PLCL1: variants seen among roughly 807,000 people sequenced by gnomAD.
PLCL1 encodes the protein inactive phospholipase C-like protein 1.
PLCL1 carries 41 observed loss-of-function variants against 84.4 expected under a neutral mutation model. The observed-to-expected ratio is 0.49, with a 90% CI of 0.38 to 0.63. The LOEUF is 0.63. Ranked by LOEUF, PLCL1 falls within the 30% of genes least tolerant of loss-of-function variation. The pLI, the probability that PLCL1 is intolerant of heterozygous loss-of-function variation, is 0.00. For synonymous variants in PLCL1, 490 were observed against 488.3 expected (o/e 1.00, Z -0.05); for missense variants, 1,206 against 1,367.8 (o/e 0.88, Z 1.87).
At chr2:198,020,650 A>G (rs1250848433) in intron 1 of PLCL1, among the ~76,000 whole-genome samples, 1 of 152,218 alleles carries the variant, frequency 6.6e-6, no homozygotes, top group Admixed American at 6.5e-5. Context: ...AAAGAAAAAG[A>G]AGGGCATTAC....
intron 1 of PLCL1, among the ~76,000 whole-genome samples, chr2:198,030,426 A>G (rs1346482419): frequency 6.6e-6 from 1 of 152,168 alleles, no homozygotes; most frequent in Non-Finnish European, 1.5e-5. Flanking sequence ...ACTAATAAAT[A>G]AAAGTTTTTC....
At chr2:198,078,706 CTGTT>C (rs1462636394) in intron 1 of PLCL1, among the ~76,000 whole-genome samples, 1 of 151,920 alleles carries the variant, frequency 6.6e-6, no homozygotes, top group Non-Finnish European at 1.5e-5. Context: ...CATTTTAGAA[CTGTT>C]TGCTTAAAAA....
chr2:197,805,313 A>AC lies in PLCL1; in HGVS notation c.220dup (p.Arg74ProfsTer33). 5 of 1,299,738 alleles carry AC rather than the reference A, an allele frequency of 3.8e-6. No homozygotes were observed. Among genetic ancestry groups the AC allele is most frequent in the Non-Finnish European group, 3.9e-6 (4 of 1,027,916 alleles). 80.5% of individuals were successfully genotyped at this position (1,299,738 alleles called of 1,614,324 possible). ...GGGCCTCCTGGAGGCAGCACGGGCG[A>AC]CCCCCCGGCGCAGCAGCATCATCAA... On this transcript the variant is annotated frameshift_variant, in exon 1 of 6. Transcript: ENST00000428675. LOFTEE classifies it high-confidence loss of function. This position sits in a 1 kb window ranked among gnomAD's most constrained non-coding sequence, Gnocchi z 4.0.
rs1324224425 is a variant in PLCL1 at position 198,147,095 on chromosome 2, C to G, written c.*133C>G. The G allele has an allele frequency of 1.6e-6, 1 of 638,728 alleles. No individual in the cohort carries two copies. The highest frequency in any genetic ancestry group is 2.6e-6 in the Non-Finnish European group (1 of 379,862). 39.6% of individuals were successfully genotyped at this position (638,728 alleles called of 1,614,324 possible). On this transcript the variant is annotated 3_prime_UTR_variant, in exon 6 of 6. Transcript: ENST00000428675. ...GGGGTATTGGACATAGATATTTTCACAATGTCAGTATTTCAGTGTAGTTAA... is the reference window on the plus strand; with the variant it reads ...GGGGTATTGGACATAGATATTTTCAGAATGTCAGTATTTCAGTGTAGTTAA...
At chr2:197,966,104 C>T (rs183603505) in intron 1 of PLCL1, among the ~76,000 whole-genome samples, 145 of 151,958 alleles carry the variant, frequency 9.5e-4, no homozygotes, top group African/African-American at 3.3e-3. Flanking sequence ...CAGAACTCTG[C>T]CTCATGCCCT....
At position 197,939,717 on chromosome 2, in the gene PLCL1, C is replaced by CTTTT. The variant is rs869135841; in HGVS notation, c.240+134396_240+134399dup. Reference sequence around the variant, plus strand: ...TACTGGGGATTGGGACTTCAACAGACTTTTTTTTTTTTTTTTTTTTTGGCA... The same window carrying CTTTT: ...TACTGGGGATTGGGACTTCAACAGACTTTTTTTTTTTTTTTTTTTTTTTTTGGCA... On this transcript the variant is annotated intron_variant, in intron 1 of 5. Coordinates refer to ENST00000428675, the MANE Select transcript of PLCL1 (RefSeq NM_006226.4). Among the ~76,000 whole-genome samples, 120 of 112,150 alleles carry CTTTT rather than the reference C, an allele frequency of 1.1e-3. 1 individual carries two copies. The highest frequency in any genetic ancestry group is 4.0e-3 in the African/African-American group (117 of 29,604). The allele number at this position is 112,150 out of a possible 152,430, so 73.6% of individuals were successfully genotyped here.
intron 5 of PLCL1, among the ~76,000 whole-genome samples, chr2:198,141,003 A>T (rs977526344): frequency 6.6e-6 from 1 of 152,134 alleles, no homozygotes; most frequent in African/African-American, 2.4e-5. Flanking sequence ...ATGTTCCTGT[A>T]CAGATTATTT....
chr2:197,961,264 A>AGAGAGAGAGAGAGAGAGC (rs1353312792), intron 1 of PLCL1, among the ~76,000 whole-genome samples: 14 of 139,744 alleles, frequency 1.0e-4, no homozygotes, highest in East Asian at 6.0e-4. Context: ...AGAGAGAGAG[A>AGAGAGAGAGAGAGAGAGC]GAGCGAGCAT....
intron 1 of PLCL1, among the ~76,000 whole-genome samples, chr2:198,052,097 A>T (rs1402684374): frequency 6.6e-6 from 1 of 152,190 alleles, no homozygotes; most frequent in Non-Finnish European, 1.5e-5. Flanking sequence ...TTTTTAGTAG[A>T]GACAGGGTTT....
intron 1 of PLCL1, among the ~76,000 whole-genome samples, chr2:197,822,373 T>A (rs1690832035): frequency 6.6e-6 from 1 of 152,192 alleles, no homozygotes; most frequent in South Asian, 2.1e-4. Flanking sequence ...TCTCTGACAC[T>A]TTCCTTAGGC....
chr2:198,072,480 T>C (rs1290171357), intron 1 of PLCL1, among the ~76,000 whole-genome samples: 1 of 151,984 alleles, frequency 6.6e-6, no homozygotes, highest in Non-Finnish European at 1.5e-5. Context: ...CTTTATCTTA[T>C]TGCTTTGGCT....
chr2:198,001,937 T>C, intron 1 of PLCL1: 1 of 420,194 alleles, frequency 2.4e-6, no homozygotes, highest in South Asian at 1.7e-5. Flanking sequence ...TGTCACTGTC[T>C]CCTATCACCC....
intron 1 of PLCL1, among the ~76,000 whole-genome samples, chr2:197,960,591 C>T (rs1689596215): frequency 6.6e-6 from 1 of 151,964 alleles, no homozygotes. Flanking sequence ...AAAGATGAAA[C>T]CAAGGGACAC....
intron 1 of PLCL1, among the ~76,000 whole-genome samples, chr2:197,955,876 A>G (rs1689480739): frequency 6.6e-6 from 1 of 151,048 alleles, no homozygotes; most frequent in Non-Finnish European, 1.5e-5. Context: ...ATAGGTATAC[A>G]TGTGCCATGG....
chr2:198,049,866 C>A (rs1421903864), intron 1 of PLCL1, among the ~76,000 whole-genome samples: 4 of 152,138 alleles, frequency 2.6e-5, no homozygotes, highest in Admixed American at 1.3e-4. Context: ...AAAGTTTCTG[C>A]AGAGAGGACA....
Position 197,973,232 on chromosome 2 carries a change from C to T in PLCL1, c.241-110526C>T, listed in dbSNP as rs150948351. On this transcript the variant is annotated intron_variant, in intron 1 of 5. Transcript: ENST00000428675. ...AAGAAGCTGTAGAAGGATACAAGTG[C>T]ACTTTGCTTGGCGACTGCTTACCAC... Among the ~76,000 whole-genome samples the T allele has an allele frequency of 5.1e-3, 780 of 152,252 alleles. 9 individuals are homozygous for T. The highest frequency in any genetic ancestry group is 0.018 in the African/African-American group (743 of 41,552).
chr2:198,033,542 G>A (rs1379039421), intron 1 of PLCL1, among the ~76,000 whole-genome samples: 24 of 152,168 alleles, frequency 1.6e-4, no homozygotes, highest in Non-Finnish European at 4.4e-5. Flanking sequence ...CTTGAGAACG[G>A]TATCTGAGTC....
chr2:198,101,361 G>A lies in PLCL1; in HGVS notation c.2995+1G>A. ...AAGATTGTACAGTGTCAGAAAGCAG[G>A]TAATTGTTTTTAATTTTTTTTTCTG... is the stretch of plus-strand genomic sequence containing the variant. On this transcript the variant is annotated splice_donor_variant, in intron 4 of 5. Coordinates refer to ENST00000428675, the MANE Select transcript of PLCL1 (RefSeq NM_006226.4). LOFTEE classifies it high-confidence loss of function. The A allele has an allele frequency of 1.3e-6, 2 of 1,487,490 alleles. No homozygotes were observed. The highest frequency in any genetic ancestry group is 1.8e-6 in the Non-Finnish European group (2 of 1,091,188). 92.1% of individuals were successfully genotyped at this position (1,487,490 alleles called of 1,614,324 possible). A position where few individuals can be genotyped will look rare whatever the true frequency, so the allele number is the denominator to read the frequency against.
At chr2:197,962,568 C>T (rs1689645505) in intron 1 of PLCL1, among the ~76,000 whole-genome samples, 1 of 152,018 alleles carries the variant, frequency 6.6e-6, no homozygotes, top group African/African-American at 2.4e-5. Flanking sequence ...TCCATTTCCT[C>T]AATTATTTGC....
Sources: gnomAD v4.1 joint callset for allele counts (sites outside exome capture counted in the v4.1 genomes callset) on GRCh38, gnomAD v4.1.1 for gene constraint, Gnocchi (gnomAD v3.1) non-coding constraint, MANE v1.5 for transcripts, NCBI Gene and HGNC (gene_info 2026-07-23, HGNC 2026-07-21) for gene names.